The following CFLAR variants were observed in gnomAD, a reference collection of about 807,000 sequenced individuals.
The protein encoded by CFLAR is CASP8 and FADD like apoptosis regulator.
Under a neutral mutation model 51.1 loss-of-function variants are expected in CFLAR, and 14 were observed. The observed-to-expected ratio is 0.27, with a 90% confidence interval of 0.18 to 0.43. The LOEUF (loss-of-function observed/expected upper bound fraction) is 0.43, where lower values mean the gene tolerates loss of function less well. Ranked by LOEUF, CFLAR falls within the 20% of genes least tolerant of loss-of-function variation. The probability of loss-of-function intolerance (pLI) is 1.00; values close to 1 mark genes in which losing one functional copy is unlikely to be tolerated. For synonymous variants in CFLAR, 210 were observed against 211.6 expected (o/e 0.99, Z 0.06); for missense variants, 390 against 566.5 (o/e 0.69, Z 3.16).
intron 3 of CFLAR, among the ~76,000 whole-genome samples, chr2:201,134,709 T>C (rs1208251314): frequency 6.7e-6 from 1 of 148,976 alleles, no homozygotes; most frequent in East Asian, 1.9e-4. Flanking sequence ...AATAACATTC[T>C]AGTTGGCCCT....
intron 5 of CFLAR, chr2:201,140,649 G>T: frequency 2.1e-6 from 1 of 486,434 alleles, no homozygotes; most frequent in Non-Finnish European, 3.6e-6. Context: ...AAAGATAAAA[G>T]AAAATAAATC....
In CFLAR at chr2:201,169,213, A is replaced by G. The variant is rs1453431027; in HGVS notation, c.*5240A>G. On this transcript the variant is annotated 3_prime_UTR_variant, in exon 10 of 10. Coordinates refer to ENST00000309955, the MANE Select transcript of CFLAR (RefSeq NM_003879.7). ...ATCACACTACCCAACTTCAAAGTATACTGCAAGGCTACAGTAGCCAAAATG... is the reference window on the plus strand; with the variant it reads ...ATCACACTACCCAACTTCAAAGTATGCTGCAAGGCTACAGTAGCCAAAATG... 1 of 152,224 alleles carries G rather than the reference A, an allele frequency of 6.6e-6. No homozygotes were observed. The highest frequency in any genetic ancestry group is 2.4e-5 in the African/African-American group (1 of 41,468). The allele number at this position is 152,224 out of a possible 1,614,324, so 9.4% of individuals were successfully genotyped here.
intron 6 of CFLAR, among the ~76,000 whole-genome samples, chr2:201,145,971 C>CTT (rs547118436): frequency 2.1e-5 from 3 of 145,560 alleles, no homozygotes; most frequent in Non-Finnish European, 4.6e-5. Flanking sequence ...AAAGATTACT[C>CTT]TTTTTTTTTT....
Position 201,149,053 on chromosome 2 carries a change from G to T in CFLAR, c.711+1G>T. 1.9e-6 allele frequency: 3 copies of T among 1,599,204 alleles called. No homozygotes were observed. The highest frequency in any genetic ancestry group is 2.6e-6 in the Non-Finnish European group (3 of 1,166,604). On this transcript the variant is annotated splice_donor_variant, in intron 7 of 9. Coordinates refer to ENST00000309955, the MANE Select transcript of CFLAR (RefSeq NM_003879.7). LOFTEE classifies it high-confidence loss of function. ...GGAATCAGAAGCTTTTTTGCCTCAG[G>T]TACAGAATAAATGATCTGATTTGGT...
chr2:201,148,014 A>C (rs1037621194), intron 6 of CFLAR: 1 of 152,186 alleles, frequency 6.6e-6, no homozygotes, highest in Admixed American at 6.5e-5. Flanking sequence ...CCTTAAACTG[A>C]GATAGATATA....
intron 5 of CFLAR, among the ~76,000 whole-genome samples, chr2:201,142,403 A>C (rs72931038): frequency 0.038 from 5,827 of 152,210 alleles, 138 homozygotes; most frequent in Middle Eastern, 0.075. Flanking sequence ...TGAGCAATGC[A>C]ATTTCAGAGC....
chr2:201,144,317 G>C (rs978259976), intron 5 of CFLAR: 1 of 152,186 alleles, frequency 6.6e-6, no homozygotes, highest in Non-Finnish European at 1.5e-5. Context: ...GAAGAGAAAG[G>C]GTCGGTTTAA....
chr2:201,137,588 C>G, intron 4 of CFLAR: 1 of 742,280 alleles, frequency 1.3e-6, no homozygotes. Flanking sequence ...TGGTCTGCTT[C>G]TCAAACTTGA....
rs564563761 is a variant in CFLAR, at chr2:201,163,141, T to A, written c.1305-694T>A. 7.1e-5 allele frequency: 56 copies of A among 792,260 alleles called. 3 individuals carry two copies. The highest frequency in any genetic ancestry group is 4.4e-4 in the African/African-American group (26 of 58,788). 49.1% of individuals were successfully genotyped at this position (792,260 alleles called of 1,614,324 possible). On this transcript the variant is annotated intron_variant, in intron 9 of 9. Coordinates refer to ENST00000309955, the MANE Select transcript of CFLAR (RefSeq NM_003879.7). ...TCCCTGAATTCTCCCTGACACTGCA[T>A]GCTCTTATATTTCCTCAAGTTTTGA...
At chr2:201,126,031 GTC>G (rs201176910) in intron 1 of CFLAR, among the ~76,000 whole-genome samples, 3,101 of 152,210 alleles carry the variant, frequency 0.02, 102 homozygotes, top group African/African-American at 0.07. Flanking sequence ...AGCATGCGCT[GTC>G]TGATTGTTGT....
intron 4 of CFLAR, chr2:201,140,086 C>T: frequency 5.1e-6 from 1 of 196,270 alleles, no homozygotes; most frequent in Non-Finnish European, 9.6e-6. Flanking sequence ...CGCGGAGGCG[C>T]GCCGCTGCCA....
At chr2:201,132,988 C>T in intron 2 of CFLAR, 41 bp from the exon 3 acceptor site, 1 of 1,599,948 alleles carries the variant, frequency 6.3e-7, no homozygotes, top group Non-Finnish European at 8.6e-7. Context: ...TGTCTTAGGA[C>T]TGATGTCTGA....
In CFLAR at chr2:201,138,088, C is replaced by G; in HGVS notation, c.523+1981C>G. ...TTGATGTAGATGGAGCCGCGCAGTC[C>G]ATGCCCCTGCCCAGCCCATCCACAC... is the stretch of plus-strand genomic sequence containing the variant. On this transcript the variant is annotated intron_variant, in intron 4 of 9. Transcript: ENST00000309955. The surrounding 1 kb of genome is among the most constrained non-coding windows in gnomAD (Gnocchi z 4.0). 1 of 742,566 alleles carries G rather than the reference C, an allele frequency of 1.3e-6. No homozygotes were observed. Among genetic ancestry groups the G allele is most frequent in the Non-Finnish European group, 2.5e-6 (1 of 399,446 alleles). The allele number at this position is 742,566 out of a possible 1,614,324, so 46.0% of individuals were successfully genotyped here.
In CFLAR at chr2:201,138,009, G is replaced by T; in HGVS notation, c.523+1902G>T. 1.4e-6 allele frequency: 1 copy of T among 736,380 alleles called. No individual in the cohort carries two copies. The allele number at this position is 736,380 out of a possible 1,614,324, so 45.6% of individuals were successfully genotyped here. A position where few individuals can be genotyped will look rare whatever the true frequency, so the allele number is the denominator to read the frequency against. On this transcript the variant is annotated intron_variant, in intron 4 of 9. Coordinates refer to ENST00000309955, the MANE Select transcript of CFLAR (RefSeq NM_003879.7). This position sits in a 1 kb window ranked among gnomAD's most constrained non-coding sequence, Gnocchi z 4.0. The stretch of plus-strand genomic sequence containing the variant: ...CACACCAAAGTTCTGGGTATGCTTG[G>T]CCACCTTGTACACAGCAGTGCCCTG...
intron 8 of CFLAR, among the ~76,000 whole-genome samples, chr2:201,159,809 A>G (rs1383538384): frequency 1.3e-5 from 2 of 152,232 alleles, no homozygotes; most frequent in Non-Finnish European, 2.9e-5. Flanking sequence ...ATTTAATTAT[A>G]TCCTCACCTG....
At chr2:201,156,808 G>A (rs1942256271) in intron 8 of CFLAR, among the ~76,000 whole-genome samples, 1 of 152,014 alleles carries the variant, frequency 6.6e-6, no homozygotes, top group Non-Finnish European at 1.5e-5. Flanking sequence ...GATTTCCAGG[G>A]TGGGTTCTAG....
chr2:201,158,390 A>G (rs1942526724), intron 8 of CFLAR, among the ~76,000 whole-genome samples: 1 of 152,350 alleles, frequency 6.6e-6, no homozygotes, highest in African/African-American at 2.4e-5. Context: ...AATGTGGTGA[A>G]GTTTTCTTTC....
At position 201,172,647 on chromosome 2, in the gene CFLAR, A is replaced by G. The variant is rs1003189594; in HGVS notation, c.*8674A>G. 6.6e-6 allele frequency: 1 copy of G among 152,190 alleles called. No individual in the cohort carries two copies. The highest frequency in any genetic ancestry group is 1.5e-5 in the Non-Finnish European group (1 of 68,042). 9.4% of individuals were successfully genotyped at this position (152,190 alleles called of 1,614,324 possible). A position where few individuals can be genotyped will look rare whatever the true frequency, so the allele number is the denominator to read the frequency against. Reference sequence around the variant, plus strand: ...ATTTGCCTGTTCTAGATATTTTATAAAAATAAACATGTGGCCTTTCGTGTC... The same window carrying G: ...ATTTGCCTGTTCTAGATATTTTATAGAAATAAACATGTGGCCTTTCGTGTC... On this transcript the variant is annotated 3_prime_UTR_variant, in exon 10 of 10. Coordinates refer to ENST00000309955, the MANE Select transcript of CFLAR (RefSeq NM_003879.7).
chr2:201,153,809 A>G (rs574432902), intron 8 of CFLAR: 2 of 152,382 alleles, frequency 1.3e-5, no homozygotes, highest in East Asian at 3.8e-4. Context: ...AATCCTCATG[A>G]ATAATACCAT....
Sources: allele counts gnomAD v4.1 joint callset (sites outside exome capture counted in the v4.1 genomes callset), GRCh38; gene constraint gnomAD v4.1.1; non-coding constraint Gnocchi (gnomAD v3.1); transcripts MANE v1.5; gene names NCBI Gene and HGNC (gene_info 2026-07-23, HGNC 2026-07-21).